FAM107B: variants seen among roughly 807,000 people sequenced by gnomAD.
The protein encoded by FAM107B is family with sequence similarity 107 member B.
FAM107B carries 21 observed loss-of-function variants against 31.5 expected under a neutral mutation model. That is an observed-to-expected ratio of 0.67 (90% CI 0.47 to 0.96). FAM107B has a LOEUF of 0.96. Ranked by LOEUF, FAM107B falls within the 40% of genes least tolerant of loss-of-function variation. FAM107B has a pLI of 0.00. For synonymous variants in FAM107B, 157 were observed against 141.5 expected (o/e 1.11, Z -0.78); for missense variants, 452 against 377.1 (o/e 1.20, Z -1.64).
At chr10:14,606,555 T>TGAC (rs1286300644) in intron 2 of FAM107B, among the ~76,000 whole-genome samples, 1 of 152,192 alleles carries the variant, frequency 6.6e-6, no homozygotes, top group East Asian at 1.9e-4. Flanking sequence ...ACCTCCAATG[T>TGAC]GACTGTATTT....
intron 1 of FAM107B, among the ~76,000 whole-genome samples, chr10:14,672,104 A>ATTTAT (rs56363647): frequency 7.0e-6 from 1 of 142,218 alleles, no homozygotes; most frequent in African/African-American, 2.5e-5. Context: ...TTATTTATTT[A>ATTTAT]TTTTTTTTTT....
At chr10:14,665,318 A>AG (rs1854377188) in intron 2 of FAM107B, among the ~76,000 whole-genome samples, 1 of 152,180 alleles carries the variant, frequency 6.6e-6, no homozygotes, top group South Asian at 2.1e-4. Flanking sequence ...TGAGGGCCTA[A>AG]GGAGCTGGGA....
chr10:14,547,838 T>C (rs1216835565), intron 2 of FAM107B, among the ~76,000 whole-genome samples: 1 of 152,246 alleles, frequency 6.6e-6, no homozygotes, highest in Non-Finnish European at 1.5e-5. Context: ...GAATTTAAGT[T>C]GGCTCTTATT....
At chr10:14,586,491 G>A (rs1040942394) in intron 2 of FAM107B, among the ~76,000 whole-genome samples, 14 of 152,104 alleles carry the variant, frequency 9.2e-5, no homozygotes, top group Admixed American at 7.2e-4. Flanking sequence ...GGGGCTTAGG[G>A]GAAGTAATTA....
rs1845436107 is a variant in FAM107B, at chr10:14,519,514, T to C, written c.*1676A>G. The C allele has an allele frequency of 6.6e-6, 1 of 152,226 alleles. No individual in the cohort carries two copies. Among genetic ancestry groups the C allele is most frequent in the Middle Eastern group, 3.2e-3 (1 of 316 alleles). The allele number at this position is 152,226 out of a possible 1,614,324, so 9.4% of individuals were successfully genotyped here. On this transcript the variant is annotated 3_prime_UTR_variant, in exon 5 of 5. Transcript: ENST00000181796. ...AACCAAATTACTGTAGAGCAACAAT[T>C]TTTCTTAAGCATTTCTCATTTTATT...
intron 2 of FAM107B, among the ~76,000 whole-genome samples, chr10:14,604,756 C>T (rs1476056237): frequency 1.5e-5 from 2 of 130,244 alleles, no homozygotes; most frequent in Non-Finnish European, 3.3e-5. Flanking sequence ...TCTCCCTCTA[C>T]CTCTCTGTCT....
At chr10:14,598,491 T>C (rs528024087) in intron 2 of FAM107B, among the ~76,000 whole-genome samples, 2 of 152,300 alleles carry the variant, frequency 1.3e-5, no homozygotes, top group East Asian at 1.9e-4. Flanking sequence ...ATGAAGCATC[T>C]AAGTAGCTAA....
intron 2 of FAM107B, among the ~76,000 whole-genome samples, chr10:14,623,808 G>C (rs1235897066): frequency 6.6e-6 from 1 of 152,212 alleles, no homozygotes; most frequent in African/African-American, 2.4e-5. Context: ...CTGGGGGACA[G>C]ACGGGGACTC....
chr10:14,616,705 T>C (rs947371980), intron 2 of FAM107B, among the ~76,000 whole-genome samples: 1 of 152,180 alleles, frequency 6.6e-6, no homozygotes, highest in East Asian at 1.9e-4. Context: ...AGCAGATCGC[T>C]TGAGCCCAGG....
chr10:14,638,271 C>T (rs545124420), intron 2 of FAM107B, among the ~76,000 whole-genome samples: 1 of 151,142 alleles, frequency 6.6e-6, no homozygotes, highest in African/African-American at 2.4e-5. Context: ...ACGTTGTGTA[C>T]AGCCTGCTAA....
At chr10:14,659,412 G>A (rs1051472522) in intron 2 of FAM107B, among the ~76,000 whole-genome samples, 1 of 151,766 alleles carries the variant, frequency 6.6e-6, no homozygotes, top group Non-Finnish European at 1.5e-5. Flanking sequence ...CTTCACTCCA[G>A]CCTAGGTGAA....
chr10:14,624,558 C>A (rs1222867545), intron 2 of FAM107B, among the ~76,000 whole-genome samples: 1 of 151,948 alleles, frequency 6.6e-6, no homozygotes, highest in South Asian at 2.1e-4. Flanking sequence ...ATTGCTTGAA[C>A]CCAGGAGTTT....
intron 2 of FAM107B, among the ~76,000 whole-genome samples, chr10:14,584,009 C>T (rs928242780): frequency 2.6e-5 from 4 of 152,170 alleles, no homozygotes; most frequent in African/African-American, 9.7e-5. Flanking sequence ...GACACCAACA[C>T]AGAAATAAAC....
chr10:14,735,072 CA>C (rs911796246), intron 1 of FAM107B, among the ~76,000 whole-genome samples: 1 of 152,164 alleles, frequency 6.6e-6, no homozygotes, highest in African/African-American at 2.4e-5. Flanking sequence ...GCTTCTCTTG[CA>C]AAACTAGGTC....
chr10:14,641,629 G>A (rs567911198), intron 2 of FAM107B, among the ~76,000 whole-genome samples: 19 of 152,204 alleles, frequency 1.2e-4, no homozygotes, highest in Non-Finnish European at 2.2e-4. Context: ...GAGAGGAAGC[G>A]CTCTGATGTC....
At chr10:14,562,900 A>C (rs944538649) in intron 2 of FAM107B, among the ~76,000 whole-genome samples, 1 of 152,252 alleles carries the variant, frequency 6.6e-6, no homozygotes, top group African/African-American at 2.4e-5. Context: ...TTCTTTTGCC[A>C]TTTCACTTAG....
chr10:14,618,093 C>T lies in FAM107B; in HGVS notation c.469+49541G>A, dbSNP rs554955019. Reference sequence around the variant, plus strand: ...CTTGTGGTGAGTTCCCTCCTCCCCACCCACAGTCTCTGCAATTTTTGCTCC... The same window carrying T: ...CTTGTGGTGAGTTCCCTCCTCCCCATCCACAGTCTCTGCAATTTTTGCTCC... On this transcript the variant is annotated intron_variant, in intron 2 of 4. Coordinates refer to ENST00000181796, the MANE Select transcript of FAM107B (RefSeq NM_031453.4). Among the ~76,000 whole-genome samples the T allele has an allele frequency of 5.3e-5, 8 of 152,304 alleles. No homozygotes were observed. The South Asian group carries it at 1.5e-3, about 28-fold the overall frequency.
chr10:14,572,793 T>C (rs1851323968), intron 2 of FAM107B, among the ~76,000 whole-genome samples: 1 of 132,988 alleles, frequency 7.5e-6, no homozygotes, highest in Non-Finnish European at 1.6e-5. Context: ...TATGTATAGG[T>C]GTATGTAGAT....
intron 2 of FAM107B, among the ~76,000 whole-genome samples, chr10:14,558,693 TG>T (rs1379539247): frequency 6.6e-6 from 1 of 151,950 alleles, no homozygotes; most frequent in African/African-American, 2.4e-5. Context: ...AAACTGGGGT[TG>T]GGTGGGGAGT....
Sources: gnomAD v4.1 joint callset for allele counts (sites outside exome capture counted in the v4.1 genomes callset) on GRCh38, gnomAD v4.1.1 for gene constraint, MANE v1.5 for transcripts, NCBI Gene and HGNC (gene_info 2026-07-23, HGNC 2026-07-21) for gene names.